Variants in CTPS2 observed in about 807,000 individuals in gnomAD.
CTPS2 encodes the protein CTP synthase II.
CTPS2 carries 19 observed loss-of-function variants against 46.8 expected under a neutral mutation model. That is an observed-to-expected ratio of 0.41 (90% CI 0.28 to 0.60). CTPS2 has a LOEUF of 0.60. CTPS2 is among the 20% of genes least tolerant of loss of function. The pLI is 0.35. For synonymous variants in CTPS2, 151 were observed against 165.2 expected (o/e 0.91, Z 0.66); for missense variants, 286 against 447.6 (o/e 0.64, Z 3.26).
intron 17 of CTPS2, 46 bp downstream of exon 17, chrX:16,609,495 A>G (rs745707612): frequency 1.0e-5 from 12 of 1,165,789 alleles, no homozygotes; most frequent in Non-Finnish European, 1.4e-5. Flanking sequence ...TAAGATATTA[A>G]TAACTATGCA....
chrX:16,683,589 A>T (rs1371344509), intron 8 of CTPS2, among the ~76,000 whole-genome samples: 2 of 112,101 alleles, frequency 1.8e-5, no homozygotes, highest in African/African-American at 6.5e-5. Flanking sequence ...ACACAGTGAG[A>T]CACTGTCTCA....
At chrX:16,640,790 C>T (rs1220089427) in intron 13 of CTPS2, among the ~76,000 whole-genome samples, 1 of 111,111 alleles carries the variant, frequency 9.0e-6, no homozygotes, top group Non-Finnish European at 1.9e-5. Flanking sequence ...TGTTTTTTTC[C>T]CATACCGTAA....
intron 10 of CTPS2, among the ~76,000 whole-genome samples, chrX:16,674,586 C>G: frequency 9.1e-6 from 1 of 110,305 alleles, no homozygotes; most frequent in Non-Finnish European, 1.9e-5. Flanking sequence ...CACCTGTAAT[C>G]CCAGCACTTT....
chrX:16,597,602 C>T (rs1233817637), intron 17 of CTPS2, among the ~76,000 whole-genome samples: 3 of 111,641 alleles, frequency 2.7e-5, no homozygotes, highest in East Asian at 2.8e-4. Context: ...TGTAGCCTTG[C>T]AGTATAGTTT....
intron 4 of CTPS2, among the ~76,000 whole-genome samples, chrX:16,696,333 AT>A (rs760586264): frequency 1.1e-4 from 12 of 112,028 alleles, no homozygotes; most frequent in Admixed American, 3.8e-4. Context: ...CAATAAGCAA[AT>A]ATAAACATCA....
At chrX:16,672,621 C>G (rs1174791968) in intron 10 of CTPS2, among the ~76,000 whole-genome samples, 1 of 111,113 alleles carries the variant, frequency 9.0e-6, no homozygotes, top group Non-Finnish European at 1.9e-5. Flanking sequence ...ATATTTTGCT[C>G]TGGCCAGAAC....
rs755394350 is a variant in CTPS2 at position 16,651,856 on chromosome X, A to G, written c.1297-12613T>C. Among the ~76,000 whole-genome samples the G allele has an allele frequency of 1.5e-3, 171 of 111,720 alleles. 1 individual carries two copies. The highest frequency in any genetic ancestry group is 5.3e-3 in the African/African-American group (164 of 30,745). ...GTACTGTCTTTCCTTTTGCTAAAGA[A>G]AAAGCTGAGTCAGGACACTTGCCAA... On this transcript the variant is annotated intron_variant, in intron 13 of 18. Transcript: ENST00000359276.
intron 13 of CTPS2, chrX:16,650,939 C>T: frequency 9.7e-7 from 1 of 1,028,791 alleles, no homozygotes; most frequent in African/African-American, 1.9e-5. Flanking sequence ...TGCAGACAAC[C>T]CTCAGCACAA....
intron 14 of CTPS2, among the ~76,000 whole-genome samples, chrX:16,631,463 G>A (rs892934635): frequency 1.3e-4 from 14 of 111,628 alleles, no homozygotes; most frequent in Non-Finnish European, 1.5e-4. Context: ...AGGCTGCAGC[G>A]AGCTACGATC....
intron 14 of CTPS2, 164 bp downstream of exon 14, chrX:16,638,978 CCAGAG>C (rs762275245): frequency 3.7e-6 from 2 of 546,855 alleles, no homozygotes. Context: ...AGAAGAATGC[CCAGAG>C]CAGAGGGTCA....
intron 17 of CTPS2, among the ~76,000 whole-genome samples, chrX:16,600,094 C>T (rs894293215): frequency 3.6e-5 from 4 of 112,248 alleles, no homozygotes; most frequent in Admixed American, 9.4e-5. Context: ...TCTTGACAAA[C>T]GAAAGGTTTG....
intron 2 of CTPS2, among the ~76,000 whole-genome samples, chrX:16,700,183 C>T (rs909242108): frequency 2.5e-4 from 27 of 106,888 alleles, no homozygotes; most frequent in Non-Finnish European, 4.8e-4. Context: ...GTGGTGCGAT[C>T]TCGGCTCACT....
At chrX:16,625,807 C>T (rs1043386117) in intron 14 of CTPS2, among the ~76,000 whole-genome samples, 4 of 110,305 alleles carry the variant, frequency 3.6e-5, no homozygotes, top group East Asian at 2.9e-4. Context: ...GGTCCCCAGC[C>T]GGACTCCTCT....
chrX:16,640,219 C>T (rs1422472459), intron 13 of CTPS2, among the ~76,000 whole-genome samples: 1 of 111,823 alleles, frequency 8.9e-6, no homozygotes, highest in Non-Finnish European at 1.9e-5. Flanking sequence ...ACCCTGAGTG[C>T]TGGTTCTTTG....
At chrX:16,649,664 T>A (rs1322507194) in intron 13 of CTPS2, among the ~76,000 whole-genome samples, 1 of 111,452 alleles carries the variant, frequency 9.0e-6, no homozygotes. Flanking sequence ...GCTGATTTTT[T>A]AAATTTTTCA....
chrX:16,711,118 A>G (rs1310446264), intron 1 of CTPS2, among the ~76,000 whole-genome samples: 1 of 112,061 alleles, frequency 8.9e-6, no homozygotes, highest in East Asian at 2.8e-4. Context: ...CCACTACCTA[A>G]TAAAAAATAT....
intron 1 of CTPS2, among the ~76,000 whole-genome samples, chrX:16,704,198 C>T (rs1435627610): frequency 9.0e-6 from 1 of 111,646 alleles, no homozygotes; most frequent in Non-Finnish European, 1.9e-5. Context: ...TCGGCCTCCC[C>T]AAGTGCTGGG....
chrX:16,629,556 C>CT (rs200917016), intron 14 of CTPS2, among the ~76,000 whole-genome samples: 3,403 of 109,361 alleles, frequency 0.031, 57 homozygotes, highest in Middle Eastern at 0.071. Context: ...CATGGTTTTT[C>CT]TTTTTTTTCC....
At chrX:16,611,062 G>C (rs999996821) in intron 16 of CTPS2, among the ~76,000 whole-genome samples, 1 of 111,839 alleles carries the variant, frequency 8.9e-6, no homozygotes, top group Non-Finnish European at 1.9e-5. Context: ...GGGAGTGCAA[G>C]AGTTGAAAAA....
Sources: gnomAD v4.1 joint callset for allele counts (sites outside exome capture counted in the v4.1 genomes callset) on GRCh38, gnomAD v4.1.1 for gene constraint, MANE v1.5 for transcripts, NCBI Gene and HGNC (gene_info 2026-07-23, HGNC 2026-07-21) for gene names.